Variants in TRAK2 observed in about 807,000 individuals in gnomAD.
TRAK2 encodes trafficking kinesin protein 2.
TRAK2 carries 81 observed loss-of-function variants against 104.6 expected under a neutral mutation model. The observed-to-expected ratio is 0.77, with a 90% CI of 0.65 to 0.93. The LOEUF is 0.93. TRAK2 is among the 40% of genes least tolerant of loss of function. The pLI is 0.00. For missense variants in TRAK2, 1,002 were observed against 1,089.0 expected (o/e 0.92, Z 1.12); for synonymous variants, 406 against 394.4 (o/e 1.03, Z -0.35).
intron 2 of TRAK2, among the ~76,000 whole-genome samples, chr2:201,417,503 T>C (rs1431202744): frequency 1.3e-5 from 2 of 152,148 alleles, no homozygotes; most frequent in Non-Finnish European, 2.9e-5. Context: ...AAAAACCATA[T>C]GAACATTTCA....
At chr2:201,423,083 A>ACACACG (rs1433794884) in intron 1 of TRAK2, among the ~76,000 whole-genome samples, 5 of 147,180 alleles carry the variant, frequency 3.4e-5, no homozygotes, top group Non-Finnish European at 7.5e-5. Flanking sequence ...ACACACACAC[A>ACACACG]CGAGACAGAG....
chr2:201,380,628 T>C lies in TRAK2; in HGVS notation c.2660A>G (p.Asn887Ser). 6.2e-7 allele frequency: 1 copy of C among 1,614,076 alleles called. No homozygotes were observed. Among genetic ancestry groups the C allele is most frequent in the Non-Finnish European group, 8.5e-7 (1 of 1,179,990 alleles). Residue 887 changes from asparagine (N) to serine (S), a missense_variant, in exon 16 of 16, where the codon AAT becomes AGT. By Grantham distance (46) the Asn-to-Ser change is conservative. Transcript: ENST00000332624. ...ACCCATTATGACTGGAAGACTCTGA[T>C]TCCTCCTTAGTCCACCTAATAAACT... ...GSSLLGGLRR[N>S]QSLPVIMGSF...
chr2:201,432,143 T>C (rs1469699570), intron 1 of TRAK2, among the ~76,000 whole-genome samples: 2 of 152,236 alleles, frequency 1.3e-5, no homozygotes, highest in African/African-American at 4.8e-5. Context: ...AATTGCTTGA[T>C]AGCATCTTCT....
chr2:201,392,998 C>A lies in TRAK2; in HGVS notation c.1024G>T (p.Glu342Ter), dbSNP rs1237494439. ...AGTTCCTTTATTTCTTCTTGGGATT[C>A]ATGTAACATTCCTAGACACTCCATA... ...RNMECLGMLHESQEEIKELRS... is the reference protein window; with the variant it reads ...RNMECLGMLH Residue 342 changes from glutamate to a stop codon, truncating the protein, a stop_gained, in exon 10 of 16, where the codon GAA becomes TAA. Transcript: ENST00000332624. LOFTEE classifies it high-confidence loss of function. 1.2e-6 allele frequency: 2 copies of A among 1,613,580 alleles called. No individual in the cohort carries two copies. The highest frequency in any genetic ancestry group is 1.7e-6 in the Non-Finnish European group (2 of 1,179,800).
intron 1 of TRAK2, among the ~76,000 whole-genome samples, chr2:201,425,356 G>A (rs1446682187): frequency 1.3e-5 from 2 of 152,096 alleles, no homozygotes; most frequent in Non-Finnish European, 2.9e-5. Flanking sequence ...TTCTACATCC[G>A]TAAGTGCATT....
At chr2:201,386,098 A>T (rs1178694331) in intron 14 of TRAK2, 120 bp downstream of exon 14, 1 of 1,058,848 alleles carries the variant, frequency 9.4e-7, no homozygotes, top group East Asian at 2.5e-5. Flanking sequence ...GATTTTCATT[A>T]TCTGATATGC....
Position 201,399,466 on chromosome 2 carries a change from G to A in TRAK2, c.391C>T (p.Arg131Ter), listed in dbSNP as rs755203013. ...CGCTTTAAGAGAGCTTGTCCAATTCGAGCAGCGAGTTCCAGATCACGATCC... is the reference window on the plus strand; with the variant it reads ...CGCTTTAAGAGAGCTTGTCCAATTCAAGCAGCGAGTTCCAGATCACGATCC... ...ERDRDLELAA[R>*]IGQALLKRNH... The change falls in exon 5 of 16, where the codon CGA becomes TGA. Residue 131 changes from arginine to a stop codon, truncating the protein, a stop_gained. Transcript: ENST00000332624. LOFTEE classifies it high-confidence loss of function. The A allele has an allele frequency of 1.1e-5, 18 of 1,612,364 alleles. No homozygotes were observed. The highest frequency in any genetic ancestry group is 1.4e-5 in the Non-Finnish European group (16 of 1,178,858).
At chr2:201,393,165 A>C (rs1301151038) in intron 9 of TRAK2, 119 bp from the exon 10 acceptor site, 10 of 924,524 alleles carry the variant, frequency 1.1e-5, no homozygotes, top group Admixed American at 2.8e-5. Context: ...AACTTTATGA[A>C]TATCATTTCA....
At position 201,380,684 on chromosome 2, in the gene TRAK2, T is replaced by A; in HGVS notation, c.2604A>T (p.Pro868=). 1 of 1,614,100 alleles carries A rather than the reference T, an allele frequency of 6.2e-7. No homozygotes were observed. The highest frequency in any genetic ancestry group is 8.5e-7 in the Non-Finnish European group (1 of 1,179,986). Residue 868 remains proline, a synonymous_variant, in exon 16 of 16, where the codon CCA becomes CCT. Coordinates refer to ENST00000332624, the MANE Select transcript of TRAK2 (RefSeq NM_015049.3). ...CQEAEIGPQK[P]DSAVYLNSGS... ...CTGAATTTAAATAAACAGCAGAATC[T>A]GGTTTTTGAGGACCAATTTCTGCCT...
At chr2:201,440,604 T>C (rs892488657) in intron 1 of TRAK2, among the ~76,000 whole-genome samples, 1 of 152,248 alleles carries the variant, frequency 6.6e-6, no homozygotes, top group Non-Finnish European at 1.5e-5. Flanking sequence ...GCTCTTCCTC[T>C]ATTCTTTTGT....
chr2:201,401,147 T>C, intron 3 of TRAK2, 53 bp from the exon 4 acceptor site: 2 of 1,208,600 alleles, frequency 1.7e-6, no homozygotes, highest in Non-Finnish European at 2.3e-6. Context: ...TGAAAAAATT[T>C]AAATATTAAT....
intron 3 of TRAK2, among the ~76,000 whole-genome samples, chr2:201,405,257 G>C (rs1369989901): frequency 1.3e-5 from 2 of 152,100 alleles, no homozygotes; most frequent in Admixed American, 1.3e-4. Context: ...TGCCAGTACA[G>C]GTTAATAATT....
chr2:201,412,895 T>C (rs1413270681), intron 2 of TRAK2: 7 of 794,648 alleles, frequency 8.8e-6, no homozygotes, highest in Middle Eastern at 2.3e-4. Flanking sequence ...TCTGGAGATA[T>C]AGGGAAAGGG....
intron 2 of TRAK2, chr2:201,413,370 G>A: frequency 1.4e-6 from 1 of 726,228 alleles, no homozygotes; most frequent in African/African-American, 1.8e-5. Flanking sequence ...GGCAGAACTG[G>A]GCCTCTTTTT....
At chr2:201,445,705 A>T (rs1311846032) in intron 1 of TRAK2, among the ~76,000 whole-genome samples, 1 of 152,220 alleles carries the variant, frequency 6.6e-6, no homozygotes, top group Non-Finnish European at 1.5e-5. Context: ...TAGCAGACAG[A>T]GCCAGGTTGG....
chr2:201,411,297 G>C, intron 2 of TRAK2: 1 of 750,104 alleles, frequency 1.3e-6, no homozygotes, highest in South Asian at 1.4e-5. Flanking sequence ...TTCTTCAAGT[G>C]TAAGTGATGC....
intron 3 of TRAK2, among the ~76,000 whole-genome samples, chr2:201,404,739 C>A (rs1425174635): frequency 6.6e-6 from 1 of 152,192 alleles, no homozygotes; most frequent in Non-Finnish European, 1.5e-5. Flanking sequence ...AATCTTGCAG[C>A]ACTCTCCAAC....
At chr2:201,383,454 T>A (rs1951360626) in intron 15 of TRAK2, among the ~76,000 whole-genome samples, 1 of 152,140 alleles carries the variant, frequency 6.6e-6, no homozygotes, top group South Asian at 2.1e-4. Flanking sequence ...GTTCAATCAA[T>A]CATACCTACA....
chr2:201,389,520 T>G lies in TRAK2; in HGVS notation c.1194-17A>C. Reference sequence around the variant, plus strand: ...TGTTGGGCTCTGTCAAAAAAGGAAGTGTTCGTTATTATCACTGCTAGCCAC... The same window carrying G: ...TGTTGGGCTCTGTCAAAAAAGGAAGGGTTCGTTATTATCACTGCTAGCCAC... On this transcript the variant is annotated splice_polypyrimidine_tract_variant and intron_variant, in intron 11 of 15. Coordinates refer to ENST00000332624, the MANE Select transcript of TRAK2 (RefSeq NM_015049.3). The G allele has an allele frequency of 1.2e-6, 2 of 1,611,676 alleles. No individual in the cohort carries two copies. Among genetic ancestry groups the G allele is most frequent in the South Asian group, 2.2e-5 (2 of 90,996 alleles).
Sources: allele counts gnomAD v4.1 joint callset (sites outside exome capture counted in the v4.1 genomes callset), GRCh38; gene constraint gnomAD v4.1.1; transcripts MANE v1.5; gene names NCBI Gene and HGNC (gene_info 2026-07-23, HGNC 2026-07-21).